The following TENM1 variants were observed in gnomAD, a reference collection of about 807,000 sequenced individuals.
The protein encoded by TENM1 is teneurin transmembrane protein 1.
TENM1 carries 35 observed loss-of-function variants against 174.8 expected under a neutral mutation model. The ratio of observed to expected loss-of-function variants is 0.20; its 90% CI spans 0.15 to 0.27. TENM1 has a LOEUF of 0.27. TENM1 is among the 10% of genes least tolerant of loss of function. The pLI, the probability that TENM1 is intolerant of heterozygous loss-of-function variation, is 1.00. For synonymous variants in TENM1, 781 were observed against 798.7 expected (o/e 0.98, Z 0.37); for missense variants, 1,633 against 2,130.1 (o/e 0.77, Z 4.59).
chrX:124,951,997 T>C (rs1286021605), intron 1 of TENM1, among the ~76,000 whole-genome samples: 1 of 110,539 alleles, frequency 9.0e-6, no homozygotes, highest in Non-Finnish European at 1.9e-5. Context: ...ATATCCTGGC[T>C]GTGTGTTATG....
intron 3 of TENM1, among the ~76,000 whole-genome samples, chrX:124,768,350 A>G (rs1293930752): frequency 9.0e-6 from 1 of 111,354 alleles, no homozygotes; most frequent in Non-Finnish European, 1.9e-5. Flanking sequence ...TTCTTTATAC[A>G]TTTCTCCCAT....
At chrX:125,147,169 TATATCACATATATGTGTGTATAC>T in the TENM1 span, among the ~76,000 whole-genome samples, 2 of 104,011 alleles carry the variant, frequency 1.9e-5, no homozygotes, top group Non-Finnish European at 4.1e-5. Flanking sequence ...TGTGTGTATA[TATATCACATATATGTGTGTATAC>T]ATATCTTATA....
intron 3 of TENM1, among the ~76,000 whole-genome samples, chrX:124,815,442 GT>G (rs1436404312): frequency 9.0e-6 from 1 of 111,342 alleles, no homozygotes; most frequent in East Asian, 2.8e-4. Flanking sequence ...AAACTAGGGA[GT>G]TTTTTTCCAA....
intron 18 of TENM1, 111 bp downstream of exon 21, chrX:124,520,406 C>A (rs2047814693): frequency 2.4e-6 from 2 of 838,930 alleles, no homozygotes; most frequent in African/African-American, 4.1e-5. Context: ...GCCTTAGGTC[C>A]TTTAAACAGA....
In TENM1 at chrX:124,959,401, G is replaced by T. The variant is rs753189425; in HGVS notation, c.217+4136C>A. Among the ~76,000 whole-genome samples, 15 of 111,551 alleles carry T rather than the reference G, an allele frequency of 1.3e-4. No homozygotes were observed. In the South Asian group the frequency reaches 5.7e-3, roughly 42 times the overall value. ...ATAAGTCAGTGCACTGAAGGATGGT[G>T]CTGGCTAAAAATATAAATTGGTTCA... On this transcript the variant is annotated intron_variant, in intron 1 of 31. Coordinates refer to ENST00000422452, the Ensembl canonical transcript of TENM1.
intron 15 of TENM1, among the ~76,000 whole-genome samples, chrX:124,541,550 T>C (rs1457314990): frequency 8.9e-6 from 1 of 112,297 alleles, no homozygotes; most frequent in African/African-American, 3.2e-5. Flanking sequence ...GCATCATGCT[T>C]CCTGTAAAGC....
At chrX:124,727,548 C>G (rs1445849637) in intron 4 of TENM1, among the ~76,000 whole-genome samples, 3 of 111,548 alleles carry the variant, frequency 2.7e-5, no homozygotes, top group Non-Finnish European at 5.7e-5. Flanking sequence ...GGAACTATTC[C>G]AGTGCTCTGC....
chrX:124,668,352 T>C lies in TENM1; in HGVS notation c.1168+3331A>G, dbSNP rs112309445. ...GACCCAGCCATCCCATTACTGGGTA[T>C]ATACCCAAAGGATTATAAATCATGC... is the stretch of plus-strand genomic sequence containing the variant. On this transcript the variant is annotated intron_variant, in intron 6 of 31. Coordinates refer to ENST00000422452, the Ensembl canonical transcript of TENM1. Among the ~76,000 whole-genome samples, 163 of 111,706 alleles carry C rather than the reference T, an allele frequency of 1.5e-3. 1 individual carries two copies. Among genetic ancestry groups the C allele is most frequent in the African/African-American group, 4.9e-3 (151 of 30,717 alleles).
chrX:125,003,893 C>G, the TENM1 span, among the ~76,000 whole-genome samples: 1 of 111,499 alleles, frequency 9.0e-6, no homozygotes, highest in South Asian at 3.8e-4. Context: ...TGACATGCAT[C>G]AGGGTTCTCA....
chrX:124,598,085 T>C (rs1203604646), intron 11 of TENM1, among the ~76,000 whole-genome samples: 3 of 111,613 alleles, frequency 2.7e-5, no homozygotes, highest in African/African-American at 9.8e-5. Flanking sequence ...TGAATAGACA[T>C]GTCTCAAAAG....
chrX:124,478,646 A>C (rs1373861648), intron 22 of TENM1, among the ~76,000 whole-genome samples: 1 of 111,659 alleles, frequency 9.0e-6, no homozygotes, highest in African/African-American at 3.3e-5. Flanking sequence ...CTTTTCCCTA[A>C]CCTAGAAATG....
chrX:124,839,528 G>T (rs1473374563), intron 3 of TENM1, among the ~76,000 whole-genome samples: 1 of 111,573 alleles, frequency 9.0e-6, no homozygotes, highest in Non-Finnish European at 1.9e-5. Flanking sequence ...ATGTGTGCGT[G>T]TGTGTGTTTA....
At chrX:124,709,777 G>T (rs1227432310) in intron 4 of TENM1, among the ~76,000 whole-genome samples, 1 of 110,489 alleles carries the variant, frequency 9.1e-6, no homozygotes, top group African/African-American at 3.3e-5. Flanking sequence ...AATACTATCT[G>T]TTCAAACAGT....
chrX:124,755,847 C>A (rs1482478382), intron 3 of TENM1, among the ~76,000 whole-genome samples: 2 of 108,103 alleles, frequency 1.9e-5, no homozygotes, highest in Non-Finnish European at 3.8e-5. Context: ...AGAGTTTCTG[C>A]CGAGAGATCT....
the TENM1 span, among the ~76,000 whole-genome samples, chrX:125,139,847 C>G: frequency 1.5e-5 from 1 of 64,665 alleles, no homozygotes; most frequent in African/African-American, 5.7e-5. Context: ...CACACACACA[C>G]ACACACACAC....
the TENM1 span, among the ~76,000 whole-genome samples, chrX:125,062,469 G>T: frequency 9.0e-6 from 1 of 111,597 alleles, no homozygotes; most frequent in African/African-American, 3.3e-5. Context: ...GCCAAAAAAG[G>T]CAGGACTGGA....
intron 1 of TENM1, among the ~76,000 whole-genome samples, chrX:124,920,246 C>CT (rs2057998516): frequency 9.0e-6 from 1 of 111,172 alleles, no homozygotes; most frequent in Admixed American, 9.5e-5. Flanking sequence ...AGCATAAACA[C>CT]TTTTTTGTGT....
intron 6 of TENM1, among the ~76,000 whole-genome samples, chrX:124,668,269 A>G (rs1467506175): frequency 4.5e-5 from 5 of 111,706 alleles, no homozygotes; most frequent in African/African-American, 1.6e-4. Flanking sequence ...AACTAGTTCA[A>G]CCATTGTGGA....
At chrX:124,422,417 G>C (rs1310005024) in exon 24 of TENM1, 1 of 1,211,826 alleles carries the variant, frequency 8.3e-7, no homozygotes, top group Admixed American at 2.2e-5. Flanking sequence ...GCAGCCCGCT[G>C]TGGGAGACAC....
Sources: allele counts gnomAD v4.1 joint callset (sites outside exome capture counted in the v4.1 genomes callset), GRCh38; gene constraint gnomAD v4.1.1; transcripts MANE v1.5; gene names NCBI Gene and HGNC (gene_info 2026-07-23, HGNC 2026-07-21).